RGS6: variants seen among roughly 807,000 people sequenced by gnomAD.
The protein encoded by RGS6 is regulator of G protein signaling 6, also known as regulator of G-protein signaling 6.
RGS6 carries 30 observed loss-of-function variants against 78.5 expected under a neutral mutation model. The observed-to-expected ratio is 0.38, with a 90% CI of 0.29 to 0.52. The LOEUF (loss-of-function observed/expected upper bound fraction) is 0.52, where lower values mean the gene tolerates loss of function less well. RGS6 is among the 20% of genes least tolerant of loss of function. RGS6 has a pLI of 0.85. For synonymous variants in RGS6, 206 were observed against 206.0 expected (o/e 1.00, Z 0.00); for missense variants, 495 against 609.7 (o/e 0.81, Z 1.98).
At chr14:72,391,394 G>A (rs983010446) in intron 3 of RGS6, among the ~76,000 whole-genome samples, 7 of 152,210 alleles carry the variant, frequency 4.6e-5, no homozygotes, top group Admixed American at 2.6e-4. Flanking sequence ...ATCCATCATC[G>A]TATGTGAGTT....
At chr14:72,129,117 G>T (rs2096263516) in intron 2 of RGS6, among the ~76,000 whole-genome samples, 2 of 152,254 alleles carry the variant, frequency 1.3e-5, no homozygotes, top group South Asian at 4.1e-4. Context: ...TTAAAATTTA[G>T]AGACCAGGTT....
chr14:72,131,759 TC>T (rs1041981515), intron 2 of RGS6, among the ~76,000 whole-genome samples: 9 of 152,208 alleles, frequency 5.9e-5, no homozygotes, highest in Non-Finnish European at 1.2e-4. Flanking sequence ...GTTGAAGCAT[TC>T]CCTTCCTATT....
chr14:72,450,684 G>A (rs886631114), intron 3 of RGS6, among the ~76,000 whole-genome samples: 2 of 152,274 alleles, frequency 1.3e-5, no homozygotes, highest in Non-Finnish European at 1.5e-5. Flanking sequence ...GAAACCAGTC[G>A]TGGTAACAAG....
At chr14:71,875,898 A>G in the RGS6 span, among the ~76,000 whole-genome samples, 1 of 152,172 alleles carries the variant, frequency 6.6e-6, no homozygotes, top group African/African-American at 2.4e-5. Context: ...TCATCTCATT[A>G]TGTACCCAGT....
At chr14:72,270,130 G>C (rs1444653875) in intron 2 of RGS6, among the ~76,000 whole-genome samples, 1 of 152,192 alleles carries the variant, frequency 6.6e-6, no homozygotes, top group African/African-American at 2.4e-5. Context: ...TAGTAGAGGA[G>C]ACCTTGACAA....
chr14:72,022,763 T>A (rs2088967512), intron 2 of RGS6, among the ~76,000 whole-genome samples: 1 of 152,170 alleles, frequency 6.6e-6, no homozygotes, highest in Admixed American at 6.5e-5. Flanking sequence ...GGGATAAAAG[T>A]CCAAATGTTC....
chr14:72,590,481 G>A, the RGS6 span, among the ~76,000 whole-genome samples: 1 of 152,008 alleles, frequency 6.6e-6, no homozygotes, highest in Non-Finnish European at 1.5e-5. Context: ...CAACCTAGAA[G>A]AATCTCAAAA....
chr14:72,322,139 A>G (rs2072257725), intron 2 of RGS6, among the ~76,000 whole-genome samples: 2 of 152,068 alleles, frequency 1.3e-5, no homozygotes, highest in Non-Finnish European at 2.9e-5. Flanking sequence ...AAATCAGTGC[A>G]TATGTCTTCT....
At chr14:72,619,864 A>G in the RGS6 span, 2 of 1,499,606 alleles carry the variant, frequency 1.3e-6, no homozygotes, top group Non-Finnish European at 1.8e-6. Flanking sequence ...TAGTAGTAGT[A>G]TCTGTTGCTG....
chr14:72,126,598 T>C (rs1297793601), intron 2 of RGS6, among the ~76,000 whole-genome samples: 1 of 152,230 alleles, frequency 6.6e-6, no homozygotes, highest in Non-Finnish European at 1.5e-5. Context: ...CTGAATTCCT[T>C]AAGGCCTTTT....
At chr14:72,180,754 C>T (rs770515439) in intron 2 of RGS6, among the ~76,000 whole-genome samples, 1 of 152,138 alleles carries the variant, frequency 6.6e-6, no homozygotes, top group African/African-American at 2.4e-5. Flanking sequence ...ATGCTGTTAT[C>T]ATGGGAATGA....
intron 3 of RGS6, among the ~76,000 whole-genome samples, chr14:72,388,582 C>T (rs2152930636): frequency 6.6e-6 from 1 of 152,278 alleles, no homozygotes; most frequent in East Asian, 1.9e-4. Context: ...GGCAGCTCTT[C>T]TGGACCTGGC....
At chr14:72,185,577 G>A (rs1329850462) in intron 2 of RGS6, among the ~76,000 whole-genome samples, 1 of 152,150 alleles carries the variant, frequency 6.6e-6, no homozygotes, top group Non-Finnish European at 1.5e-5. Context: ...AGTGTAGAGT[G>A]TGAATTATTT....
At chr14:72,297,433 T>TGTTA (rs1390646561) in intron 2 of RGS6, among the ~76,000 whole-genome samples, 2 of 146,896 alleles carry the variant, frequency 1.4e-5, no homozygotes, top group African/African-American at 5.4e-5. Context: ...ATTATTATTT[T>TGTTA]TTTTTTATAC....
At chr14:72,263,500 T>C (rs945098228) in intron 2 of RGS6, among the ~76,000 whole-genome samples, 6 of 114,706 alleles carry the variant, frequency 5.2e-5, no homozygotes, top group African/African-American at 1.7e-4. Flanking sequence ...TACCTATTGT[T>C]GTGGTCTAAA....
intron 10 of RGS6, among the ~76,000 whole-genome samples, chr14:72,476,046 A>G (rs1317176550): frequency 6.6e-6 from 1 of 152,188 alleles, no homozygotes; most frequent in Non-Finnish European, 1.5e-5. Context: ...GCCCTTCTGC[A>G]TTTTGATGAT....
At chr14:72,535,525 C>T (rs980567729) in intron 15 of RGS6, among the ~76,000 whole-genome samples, 3 of 152,202 alleles carry the variant, frequency 2.0e-5, no homozygotes, top group African/African-American at 7.2e-5. Context: ...ACTGACATGG[C>T]TACAATCCCC....
At chr14:71,919,148 A>G in the RGS6 span, among the ~76,000 whole-genome samples, 1 of 152,168 alleles carries the variant, frequency 6.6e-6, no homozygotes, top group Non-Finnish European at 1.5e-5. Flanking sequence ...TGTCATCCAC[A>G]GCTCCCAGCT....
At chr14:72,590,949 T>C in the RGS6 span, among the ~76,000 whole-genome samples, 1 of 152,258 alleles carries the variant, frequency 6.6e-6, no homozygotes, top group Non-Finnish European at 1.5e-5. Context: ...TTATTAGCTA[T>C]ACCATTTTTA....
Sources: gnomAD v4.1 joint callset for allele counts (sites outside exome capture counted in the v4.1 genomes callset) on GRCh38, gnomAD v4.1.1 for gene constraint, MANE v1.5 for transcripts, NCBI Gene and HGNC (gene_info 2026-07-23, HGNC 2026-07-21) for gene names.